The following DAND5 variants were observed in gnomAD, a reference collection of about 807,000 sequenced individuals.
The protein encoded by DAND5 is DAN domain family member 5.
DAND5 carries 8 observed loss-of-function variants against 9.2 expected under a neutral mutation model. The ratio of observed to expected loss-of-function variants is 0.87; its 90% CI spans 0.51 to 1.56. The LOEUF (loss-of-function observed/expected upper bound fraction) is 1.56, where lower values mean the gene tolerates loss of function less well. Ranked by LOEUF, DAND5 falls within the 40% of genes most tolerant of loss-of-function variation. The pLI is 0.00. For missense variants in DAND5, 244 were observed against 244.7 expected, an observed-to-expected ratio of 1.00 and a Z score of 0.02; for synonymous variants, 95 against 101.1, an observed-to-expected ratio of 0.94 and a Z score of 0.36.
chr19:12,973,863 CT>C lies in DAND5; in HGVS notation c.*246del, dbSNP rs113289497. 0.15 allele frequency: 51,642 copies of C among 345,508 alleles called. 438 individuals are homozygous for C. The highest frequency in any genetic ancestry group is 0.19 in the South Asian group (5,002 of 26,922). 21.4% of individuals were successfully genotyped at this position (345,508 alleles called of 1,614,324 possible). A position where few individuals can be genotyped will look rare whatever the true frequency, so the allele number is the denominator to read the frequency against. ...ACAGCACACAATGATTGACAACTCA[CT>C]TTTTTTTTTTTTTTTTGAGATGGAG... On this transcript the variant is annotated 3_prime_UTR_variant, in exon 2 of 2. Transcript: ENST00000317060.
At chr19:12,970,051 C>T in intron 1 of DAND5, 67 bp downstream of exon 1, 3 of 1,575,364 alleles carry the variant, frequency 1.9e-6, no homozygotes, top group Non-Finnish European at 1.7e-6. Flanking sequence ...AGGCTGTGGC[C>T]CAAGAAAGAT....
In DAND5 at chr19:12,973,526, T is replaced by C. The variant is rs775790077; in HGVS notation, c.462T>C (p.Arg154=). 7.4e-6 allele frequency: 12 copies of C among 1,614,128 alleles called. No homozygotes were observed. The African/African-American group carries it at 9.3e-5, about 13-fold the overall frequency. ...LCNSCMPARK[R]WAPVVLWCLT... is the part of the protein sequence containing the mutation. ...ACAGCTGTATGCCTGCTCGCAAGCG[T>C]TGGGCACCCGTGGTCCTGTGGTGTC... is the stretch of plus-strand genomic sequence containing the variant. Residue 154 remains arginine, a synonymous_variant, in exon 2 of 2, where the codon CGT becomes CGC. Transcript: ENST00000317060.
intron 1 of DAND5, chr19:12,970,547 T>C: frequency 1.7e-6 from 1 of 586,406 alleles, no homozygotes; most frequent in Non-Finnish European, 3.1e-6. Context: ...TGTGAGCCCG[T>C]CTCTTGCTTG....
At position 12,969,994 on chromosome 19, in the gene DAND5, T is replaced by C; in HGVS notation, c.324+10T>C. On this transcript the variant is annotated intron_variant, in intron 1 of 1. Transcript: ENST00000317060. ...TGTGCCCTTCGTTCAGGTGAGTGGG[T>C]GGGTGTGGGGAGGAGAGGGCTGGGT... The C allele has an allele frequency of 1.2e-6, 2 of 1,613,098 alleles. No homozygotes were observed. The highest frequency in any genetic ancestry group is 1.7e-6 in the Non-Finnish European group (2 of 1,179,936).
chr19:12,972,131 T>C (rs1341649678), intron 1 of DAND5, among the ~76,000 whole-genome samples: 1 of 149,142 alleles, frequency 6.7e-6, no homozygotes, highest in African/African-American at 2.5e-5. Context: ...GGATCTCGGC[T>C]CACTGCAAGC....
chr19:12,973,063 C>T (rs113798490), intron 1 of DAND5, among the ~76,000 whole-genome samples: 3,316 of 151,638 alleles, frequency 0.022, 90 homozygotes, highest in African/African-American at 0.064. Context: ...GGGGTTTCAC[C>T]GTGTTGGCCA....
In DAND5 at chr19:12,974,541, A is replaced by AC. The variant is rs1416748420; in HGVS notation, c.*907_*908insC. 1 of 151,070 alleles carries AC rather than the reference A, an allele frequency of 6.6e-6. No homozygotes were observed. Among genetic ancestry groups the AC allele is most frequent in the Admixed American group, 6.6e-5 (1 of 15,042 alleles). 9.4% of individuals were successfully genotyped at this position (151,070 alleles called of 1,614,324 possible). The stretch of plus-strand genomic sequence containing the variant: ...GGACACCAAAAAAGAAAAAAAAAAA[A>AC]ACCCAAACCAAAAACGCAAACCAAA... On this transcript the variant is annotated 3_prime_UTR_variant, in exon 2 of 2. Transcript: ENST00000317060.
Position 12,973,364 on chromosome 19 carries a change from ACCGTCT to A in DAND5, c.325-22_325-17del. The stretch of plus-strand genomic sequence containing the variant: ...TCTGGCCCCAAACTCCGCCACCCTG[ACCGTCT>A]CCATGCCTCCGGCCCCAGGTGTTCT... On this transcript the variant is annotated intron_variant, in intron 1 of 1. Transcript: ENST00000317060. 2 of 1,610,662 alleles carry A rather than the reference ACCGTCT, an allele frequency of 1.2e-6. No homozygotes were observed. The highest frequency in any genetic ancestry group is 1.7e-6 in the Non-Finnish European group (2 of 1,178,286).
At chr19:12,973,307 G>C (rs2011156178) in intron 1 of DAND5, 82 bp from the exon 2 acceptor site, 1 of 1,544,016 alleles carries the variant, frequency 6.5e-7, no homozygotes, top group Admixed American at 1.8e-5. Context: ...GTCAAGGTGG[G>C]GTGGAAGTGG....
At position 12,969,782 on chromosome 19, in the gene DAND5, G is replaced by A. The variant is rs753662561; in HGVS notation, c.122G>A (p.Trp41Ter). 6.3e-7 allele frequency: 1 copy of A among 1,591,774 alleles called. No individual in the cohort carries two copies. Among genetic ancestry groups the A allele is most frequent in the Non-Finnish European group, 8.5e-7 (1 of 1,170,304 alleles). Residue 41 changes from tryptophan (W) to a stop codon, truncating the protein, a stop_gained, in exon 1 of 2, where the codon TGG becomes TAG. Transcript: ENST00000317060. LOFTEE classifies it high-confidence loss of function. ...TCCTGGGCTGCAGCCAATCAGACCT[G>A]GGCTCTGGGCCCAGGGGCCCTGCCC... ...PQSWAAANQT[W>*]ALGPGALPPL...
rs1178490305 is a variant in DAND5, at chr19:12,974,466, G to T, written c.*832G>T. On this transcript the variant is annotated 3_prime_UTR_variant, in exon 2 of 2. Coordinates refer to ENST00000317060, the MANE Select transcript of DAND5 (RefSeq NM_152654.3). ...CAAAGACACTCCCAGTTGCAGGGAGGGTAGATGGCCCCACCCAGACCGAGA... is the reference window on the plus strand; with the variant it reads ...CAAAGACACTCCCAGTTGCAGGGAGTGTAGATGGCCCCACCCAGACCGAGA... 1 of 152,076 alleles carries T rather than the reference G, an allele frequency of 6.6e-6. No individual in the cohort carries two copies. The highest frequency in any genetic ancestry group is 1.5e-5 in the Non-Finnish European group (1 of 67,970). The allele number at this position is 152,076 out of a possible 1,614,324, so 9.4% of individuals were successfully genotyped here.
chr19:12,970,719 C>A (rs1448364795), intron 1 of DAND5, among the ~76,000 whole-genome samples: 3 of 150,780 alleles, frequency 2.0e-5, no homozygotes, highest in African/African-American at 7.4e-5. Context: ...CTCACTCTGT[C>A]ACCCAGACTA....
Position 12,970,367 on chromosome 19 carries a change from C to G in DAND5, c.324+383C>G, listed in dbSNP as rs573137930. On this transcript the variant is annotated intron_variant, in intron 1 of 1. Transcript: ENST00000317060. The stretch of plus-strand genomic sequence containing the variant: ...TCCTGTTACCTCCCTGATTTCACCT[C>G]CTCCCACTCTCCCCCTCAGTTACTT... The G allele has an allele frequency of 2.2e-5, 15 of 668,618 alleles. No individual in the cohort carries two copies. The East Asian group carries it at 4.1e-4, about 18-fold the overall frequency. The allele number at this position is 668,618 out of a possible 1,614,324, so 41.4% of individuals were successfully genotyped here. A position where few individuals can be genotyped will look rare whatever the true frequency, so the allele number is the denominator to read the frequency against.
chr19:12,970,959 C>T (rs968330127), intron 1 of DAND5, among the ~76,000 whole-genome samples: 13 of 152,150 alleles, frequency 8.5e-5, no homozygotes, highest in South Asian at 2.1e-4. Context: ...GGATTACAGG[C>T]GTGAGCCACT....
At chr19:12,973,084 G>C (rs567380183) in intron 1 of DAND5, among the ~76,000 whole-genome samples, 10 of 151,140 alleles carry the variant, frequency 6.6e-5, no homozygotes, top group Non-Finnish European at 8.8e-5. Flanking sequence ...GGATGGTCTC[G>C]ATCTGCTGAC....
chr19:12,969,973 C>T lies in DAND5; in HGVS notation c.313C>T (p.Pro105Ser), dbSNP rs922766361. The T allele has an allele frequency of 4.6e-5, 75 of 1,613,730 alleles. No homozygotes were observed. The highest frequency in any genetic ancestry group is 5.8e-5 in the Non-Finnish European group (68 of 1,180,028). Reference protein sequence around the residue: ...EVIQGMCKAVPFVQVFSRPGC... With the variant: ...EVIQGMCKAVSFVQVFSRPGC... ...GATCCAGGGGATGTGTAAGGCTGTG[C>T]CCTTCGTTCAGGTGAGTGGGTGGGT... is the stretch of plus-strand genomic sequence containing the variant. Residue 105 changes from proline to serine, a missense_variant, in exon 1 of 2, where the codon CCC becomes TCC. Physicochemically the swap from Pro to Ser is moderately conservative, Grantham distance 74 (BLOSUM62 -1). Transcript: ENST00000317060.
intron 1 of DAND5, among the ~76,000 whole-genome samples, chr19:12,973,092 G>A (rs2011154615): frequency 6.6e-6 from 1 of 151,370 alleles, no homozygotes; most frequent in East Asian, 2.0e-4. Context: ...TCGATCTGCT[G>A]ACCTCGTGAT....
chr19:12,969,972 G>A lies in DAND5; in HGVS notation c.312G>A (p.Val104=). Residue 104 remains valine (V), a synonymous_variant, in exon 1 of 2, where the codon GTG becomes GTA. Coordinates refer to ENST00000317060, the MANE Select transcript of DAND5 (RefSeq NM_152654.3). ...TGATCCAGGGGATGTGTAAGGCTGT[G>A]CCCTTCGTTCAGGTGAGTGGGTGGG... ...QEVIQGMCKA[V]PFVQVFSRPG... is the part of the protein sequence containing the mutation. The A allele has an allele frequency of 1.2e-6, 2 of 1,613,924 alleles. No homozygotes were observed. The highest frequency in any genetic ancestry group is 1.7e-5 in the Admixed American group (1 of 60,004).
chr19:12,973,769 C>A lies in DAND5; in HGVS notation c.*135C>A. 1 of 1,347,220 alleles carries A rather than the reference C, an allele frequency of 7.4e-7. No homozygotes were observed. Among genetic ancestry groups the A allele is most frequent in the East Asian group, 2.4e-5 (1 of 41,524 alleles). The allele number at this position is 1,347,220 out of a possible 1,614,324, so 83.5% of individuals were successfully genotyped here. The stretch of plus-strand genomic sequence containing the variant: ...GATGCAGGGTTAGGCAGACAGGTCC[C>A]CAGAGTCCTCACCCTGCTCCCCAGA... On this transcript the variant is annotated 3_prime_UTR_variant, in exon 2 of 2. Coordinates refer to ENST00000317060, the MANE Select transcript of DAND5 (RefSeq NM_152654.3).
Sources: allele counts gnomAD v4.1 joint callset (sites outside exome capture counted in the v4.1 genomes callset), GRCh38; gene constraint gnomAD v4.1.1; transcripts MANE v1.5; gene names NCBI Gene and HGNC (gene_info 2026-07-23, HGNC 2026-07-21).